The following MEF2C variants were observed in gnomAD, a reference collection of about 807,000 sequenced individuals.
The protein encoded by MEF2C is myocyte enhancer factor 2C, also known as myocyte-specific enhancer factor 2C.
Under a neutral mutation model 50.5 loss-of-function variants are expected in MEF2C, and 6 were observed. That is an observed-to-expected ratio of 0.12 (90% CI 0.07 to 0.23). MEF2C has a LOEUF of 0.23. Ranked by LOEUF, MEF2C falls within the 10% of genes least tolerant of loss-of-function variation. The pLI is 1.00. For synonymous variants in MEF2C, 183 were observed against 228.0 expected (o/e 0.80, Z 1.78); for missense variants, 276 against 605.0 (o/e 0.46, Z 5.70).
chr5:88,734,576 T>TG (rs1561717463), intron 6 of MEF2C: 237 of 856,094 alleles, frequency 2.8e-4, no homozygotes, highest in Non-Finnish European at 3.0e-4. Context: ...TTTTTTTTTT[T>TG]TTTTTTTTTT....
At chr5:88,819,063 C>T (rs1204206419) in intron 2 of MEF2C, among the ~76,000 whole-genome samples, 1 of 151,916 alleles carries the variant, frequency 6.6e-6, no homozygotes, top group East Asian at 1.9e-4. Flanking sequence ...GATGAGGGTA[C>T]TGCTGAAGCT....
At chr5:88,739,676 T>C in intron 6 of MEF2C, 1 of 985,396 alleles carries the variant, frequency 1.0e-6, no homozygotes, top group Non-Finnish European at 1.2e-6. Flanking sequence ...TTGTTACATA[T>C]GCTAGGAACT....
At chr5:88,894,180 A>T (rs906287877) in intron 1 of MEF2C, among the ~76,000 whole-genome samples, 2 of 152,146 alleles carry the variant, frequency 1.3e-5, no homozygotes, top group Non-Finnish European at 2.9e-5. Flanking sequence ...ATGTACTATT[A>T]TTGTCCCCAT....
At chr5:88,896,202 A>G (rs1056597015) in intron 1 of MEF2C, among the ~76,000 whole-genome samples, 4 of 152,152 alleles carry the variant, frequency 2.6e-5, no homozygotes, top group Admixed American at 2.0e-4. Flanking sequence ...AAATTTATAT[A>G]CTTAAAAAAT....
chr5:88,862,816 T>G (rs527239287), intron 1 of MEF2C, among the ~76,000 whole-genome samples: 5 of 152,196 alleles, frequency 3.3e-5, no homozygotes, highest in Non-Finnish European at 5.9e-5. Context: ...CCTTGAGATC[T>G]GCCACAGTGA....
At chr5:88,833,609 G>A (rs1813888097) in intron 1 of MEF2C, among the ~76,000 whole-genome samples, 1 of 152,072 alleles carries the variant, frequency 6.6e-6, no homozygotes, top group Admixed American at 6.6e-5. Flanking sequence ...CAAAGTAAGA[G>A]CTCATAATTT....
intron 3 of MEF2C, among the ~76,000 whole-genome samples, chr5:88,793,163 A>C (rs1421387962): frequency 6.6e-6 from 1 of 152,142 alleles, no homozygotes; most frequent in Non-Finnish European, 1.5e-5. Context: ...ACCTAACCTA[A>C]GTTATGGGGG....
intron 10 of MEF2C, among the ~76,000 whole-genome samples, chr5:88,725,529 T>C (rs989622994): frequency 6.6e-6 from 1 of 152,102 alleles, no homozygotes; most frequent in African/African-American, 2.4e-5. Context: ...TTATAGACCC[T>C]GATAATTGTG....
rs183940976 is a variant in MEF2C, at chr5:88,761,474, G to A, written c.259-146C>T. 12 of 986,458 alleles carry A rather than the reference G, an allele frequency of 1.2e-5. No individual in the cohort carries two copies. In the East Asian group the frequency reaches 2.5e-4, roughly 21 times the overall value. 61.1% of individuals were successfully genotyped at this position (986,458 alleles called of 1,614,324 possible). A position where few individuals can be genotyped will look rare whatever the true frequency, so the allele number is the denominator to read the frequency against. Reference sequence around the variant, plus strand: ...GGAAGAGAAACCACAGATGAAAGCTGAGTCATTTCAATCGAGTGCTCATCA... The same window carrying A: ...GGAAGAGAAACCACAGATGAAAGCTAAGTCATTTCAATCGAGTGCTCATCA... On this transcript the variant is annotated intron_variant, in intron 3 of 10. Coordinates refer to ENST00000504921, the MANE Select transcript of MEF2C (RefSeq NM_002397.5).
At chr5:88,862,136 A>T (rs1825708484) in intron 1 of MEF2C, among the ~76,000 whole-genome samples, 1 of 152,242 alleles carries the variant, frequency 6.6e-6, no homozygotes. Flanking sequence ...ATTTTGTTCC[A>T]TTATATAACT....
chr5:88,735,560 T>C, intron 6 of MEF2C: 1 of 974,078 alleles, frequency 1.0e-6, no homozygotes, highest in Non-Finnish European at 1.2e-6. Flanking sequence ...AAAATATTGT[T>C]TTACATAAAA....
At chr5:88,787,116 TTAA>T (rs34845073) in intron 3 of MEF2C, among the ~76,000 whole-genome samples, 22,668 of 152,102 alleles carry the variant, frequency 0.15, 1,818 homozygotes, top group East Asian at 0.33. Flanking sequence ...GCACATACAC[TTAA>T]TAAATACTTG....
chr5:88,827,975 G>A (rs1198596866), intron 1 of MEF2C, among the ~76,000 whole-genome samples: 1 of 150,752 alleles, frequency 6.6e-6, no homozygotes, highest in African/African-American at 2.4e-5. Context: ...AGTTTCTCGA[G>A]GTTCTTTAAA....
At chr5:88,742,568 G>C in intron 6 of MEF2C, 2 of 982,716 alleles carry the variant, frequency 2.0e-6, no homozygotes, top group Non-Finnish European at 2.4e-6. Flanking sequence ...TAAACAAAGG[G>C]CTCTAAAATC....
At chr5:88,844,716 G>T in intron 1 of MEF2C, 1 of 356,104 alleles carries the variant, frequency 2.8e-6, no homozygotes, top group Non-Finnish European at 3.9e-6. Flanking sequence ...TTTCCTCATG[G>T]TTAAAATTTT....
intron 3 of MEF2C, among the ~76,000 whole-genome samples, chr5:88,785,840 GA>G (rs796478976): frequency 2.1e-3 from 310 of 144,476 alleles, no homozygotes; most frequent in East Asian, 0.017. Flanking sequence ...AACCTATGAG[GA>G]AAAAAAAAAA....
chr5:88,892,106 A>C (rs1834649733), intron 1 of MEF2C: 1 of 152,074 alleles, frequency 6.6e-6, no homozygotes, highest in African/African-American at 2.4e-5. Context: ...CGTGTGGTTC[A>C]GCATTCTTCC....
At chr5:88,833,156 T>C (rs1347883267) in intron 1 of MEF2C, among the ~76,000 whole-genome samples, 1 of 152,168 alleles carries the variant, frequency 6.6e-6, no homozygotes, top group African/African-American at 2.4e-5. Context: ...TGATCATCTA[T>C]TCACTTAATA....
intron 4 of MEF2C, among the ~76,000 whole-genome samples, chr5:88,755,513 T>C (rs973626752): frequency 6.6e-6 from 1 of 152,214 alleles, no homozygotes; most frequent in Non-Finnish European, 1.5e-5. Context: ...TTTATTATCT[T>C]TGGACCATGT....
Sources: gnomAD v4.1 joint callset for allele counts (sites outside exome capture counted in the v4.1 genomes callset) on GRCh38, gnomAD v4.1.1 for gene constraint, MANE v1.5 for transcripts, NCBI Gene and HGNC (gene_info 2026-07-23, HGNC 2026-07-21) for gene names.